The following POU6F2 variants were observed in gnomAD, a reference collection of about 807,000 sequenced individuals.
The protein encoded by POU6F2 is POU domain, class 6, transcription factor 2.
In POU6F2, 31 loss-of-function variants were observed where a neutral mutation model predicts 71.3. The ratio of observed to expected loss-of-function variants is 0.43; its 90% CI spans 0.33 to 0.59. The LOEUF (loss-of-function observed/expected upper bound fraction) is 0.59. POU6F2 is among the 20% of genes least tolerant of loss of function. The pLI is 0.04. For missense variants in POU6F2, 783 were observed against 856.8 expected, an observed-to-expected ratio of 0.91 and a Z score of 1.07; for synonymous variants, 347 against 355.7, an observed-to-expected ratio of 0.98 and a Z score of 0.27.
At chr7:39,051,265 G>A (rs532816811) in intron 1 of POU6F2, among the ~76,000 whole-genome samples, 2 of 152,238 alleles carry the variant, frequency 1.3e-5, no homozygotes, top group South Asian at 4.1e-4. Flanking sequence ...GGGCAAAGCT[G>A]ATCCACAAGA....
intron 7 of POU6F2, among the ~76,000 whole-genome samples, chr7:39,446,301 G>A (rs1193948366): frequency 6.6e-6 from 1 of 152,114 alleles, no homozygotes; most frequent in African/African-American, 2.4e-5. Flanking sequence ...CCTTCATTTT[G>A]CCTTTGCAGA....
intron 2 of POU6F2, among the ~76,000 whole-genome samples, chr7:39,107,218 A>C (rs1791710003): frequency 6.6e-6 from 1 of 151,358 alleles, no homozygotes; most frequent in Admixed American, 6.6e-5. Context: ...CTAATTTTTT[A>C]AATTTTTGTA....
At chr7:39,177,499 G>C (rs184263458) in intron 2 of POU6F2, among the ~76,000 whole-genome samples, 1 of 152,176 alleles carries the variant, frequency 6.6e-6, no homozygotes, top group Non-Finnish European at 1.5e-5. Context: ...GGAAAGAAGC[G>C]AAAGAAAAAT....
At chr7:39,338,324 C>T (rs1402754042) in intron 4 of POU6F2, among the ~76,000 whole-genome samples, 1 of 152,216 alleles carries the variant, frequency 6.6e-6, no homozygotes, top group Non-Finnish European at 1.5e-5. Context: ...AGGCCTTTCT[C>T]TAAAAGGTCT....
chr7:39,350,653 T>C (rs1786122748), intron 5 of POU6F2, among the ~76,000 whole-genome samples: 1 of 152,200 alleles, frequency 6.6e-6, no homozygotes, highest in Non-Finnish European at 1.5e-5. Flanking sequence ...AATGATCACA[T>C]TAAAGCCATT....
intron 2 of POU6F2, among the ~76,000 whole-genome samples, chr7:39,121,053 T>C (rs1207982306): frequency 6.6e-6 from 1 of 152,214 alleles, no homozygotes; most frequent in African/African-American, 2.4e-5. Context: ...GTAAGGGTGA[T>C]TACTGTTTTG....
chr7:39,292,684 T>C (rs893209500), intron 4 of POU6F2, among the ~76,000 whole-genome samples: 3 of 152,168 alleles, frequency 2.0e-5, no homozygotes, highest in African/African-American at 7.2e-5. Context: ...AAGCTGACCA[T>C]GGGGAGTTTT....
intron 2 of POU6F2, among the ~76,000 whole-genome samples, chr7:39,156,091 G>A (rs1792864115): frequency 1.3e-5 from 2 of 152,196 alleles, no homozygotes; most frequent in South Asian, 2.1e-4. Flanking sequence ...AATGACCTAA[G>A]AAAATGTCTA....
intron 6 of POU6F2, among the ~76,000 whole-genome samples, chr7:39,413,812 A>T (rs1787608963): frequency 6.6e-6 from 1 of 152,240 alleles, no homozygotes; most frequent in South Asian, 2.1e-4. Context: ...ATAAACCTCA[A>T]TCTTTCTACT....
Position 39,347,806 on chromosome 7 carries a change from A to AT in POU6F2, c.972+7797dup, listed in dbSNP as rs1324432085. On this transcript the variant is annotated intron_variant, in intron 5 of 9. Coordinates refer to ENST00000518318, the MANE Select transcript of POU6F2 (RefSeq NM_001370959.1). ...ACCATCACGCCTGGCTAATTTTTGT[A>AT]TTTTTTGTAGAGATGGGGTTTTGCC... Among the ~76,000 whole-genome samples the AT allele has an allele frequency of 1.4e-5, 2 of 141,296 alleles. 1 individual carries two copies. The highest frequency in any genetic ancestry group is 5.0e-5 in the African/African-American group (2 of 39,608). The allele number at this position is 141,296 out of a possible 152,430, so 92.7% of individuals were successfully genotyped here. A position where few individuals can be genotyped will look rare whatever the true frequency, so the allele number is the denominator to read the frequency against.
chr7:39,049,866 G>A (rs1311317071), intron 1 of POU6F2, among the ~76,000 whole-genome samples: 2 of 151,872 alleles, frequency 1.3e-5, no homozygotes, highest in African/African-American at 4.8e-5. Context: ...ATAAAACTGA[G>A]TTGATGTTGT....
intron 4 of POU6F2, among the ~76,000 whole-genome samples, chr7:39,220,996 AATG>A (rs1209063147): frequency 6.6e-6 from 1 of 152,172 alleles, no homozygotes; most frequent in Non-Finnish European, 1.5e-5. Context: ...AATGTGTTGA[AATG>A]ATATTTTGGA....
At chr7:39,044,110 C>T (rs954184561) in intron 1 of POU6F2, among the ~76,000 whole-genome samples, 3 of 151,802 alleles carry the variant, frequency 2.0e-5, no homozygotes, top group Non-Finnish European at 4.4e-5. Context: ...TGAACAAACA[C>T]CCTAGGGGAT....
chr7:39,103,138 A>G (rs1294717672), intron 2 of POU6F2, among the ~76,000 whole-genome samples: 1 of 152,274 alleles, frequency 6.6e-6, no homozygotes, highest in Non-Finnish European at 1.5e-5. Flanking sequence ...GAGAAGTTAG[A>G]CAGAATTGGT....
chr7:39,309,743 T>C (rs542872029), intron 4 of POU6F2, among the ~76,000 whole-genome samples: 12 of 152,320 alleles, frequency 7.9e-5, no homozygotes, highest in Non-Finnish European at 1.5e-4. Context: ...ATATACGAGT[T>C]GGTGACATGA....
At chr7:39,439,224 C>T (rs1473506329) in intron 7 of POU6F2, among the ~76,000 whole-genome samples, 4 of 151,654 alleles carry the variant, frequency 2.6e-5, no homozygotes, top group African/African-American at 9.7e-5. Context: ...AATTTTCTTC[C>T]ATCCCTTTAT....
At chr7:39,021,561 A>G (rs1400191200) in intron 1 of POU6F2, among the ~76,000 whole-genome samples, 2 of 151,998 alleles carry the variant, frequency 1.3e-5, no homozygotes, top group Non-Finnish European at 2.9e-5. Context: ...CTTTCTTTGT[A>G]ATTGATCTAA....
chr7:39,325,627 A>G (rs1488424755), intron 4 of POU6F2, among the ~76,000 whole-genome samples: 1 of 152,194 alleles, frequency 6.6e-6, no homozygotes, highest in African/African-American at 2.4e-5. Context: ...TCACTGGAAA[A>G]TAACTGTAGG....
chr7:39,215,259 C>T (rs1328959557), intron 4 of POU6F2, among the ~76,000 whole-genome samples: 1 of 152,130 alleles, frequency 6.6e-6, no homozygotes, highest in Non-Finnish European at 1.5e-5. Flanking sequence ...GCATGAGAAT[C>T]GCTTGTACTT....
Sources: gnomAD v4.1 joint callset for allele counts (sites outside exome capture counted in the v4.1 genomes callset) on GRCh38, gnomAD v4.1.1 for gene constraint, MANE v1.5 for transcripts, NCBI Gene and HGNC (gene_info 2026-07-23, HGNC 2026-07-21) for gene names.